Variants in GYPB observed in about 807,000 individuals in gnomAD.
The protein encoded by GYPB is glycophorin-B.
GYPB carries 13 observed loss-of-function variants against 15.3 expected under a neutral mutation model. The observed-to-expected ratio is 0.85, with a 90% CI of 0.55 to 1.35. GYPB has a LOEUF of 1.35. Among genes scored for constraint, GYPB ranks in the 40% most tolerant of loss-of-function variants. GYPB has a pLI of 0.00. For synonymous variants in GYPB, 38 were observed against 36.9 expected (o/e 1.03, Z -0.11); for missense variants, 131 against 108.3 (o/e 1.21, Z -0.93).
At chr4:144,000,983 C>T (rs1487388257) in intron 2 of GYPB, among the ~76,000 whole-genome samples, 2 of 151,320 alleles carry the variant, frequency 1.3e-5, no homozygotes, top group Non-Finnish European at 2.9e-5. Context: ...ATTTCTTTAA[C>T]TCACAGTATT....
chr4:143,996,531 A>C (rs1386620480), intron 4 of GYPB, among the ~76,000 whole-genome samples: 3 of 151,036 alleles, frequency 2.0e-5, no homozygotes, highest in Non-Finnish European at 4.4e-5. Context: ...TTTGGAGGCC[A>C]AGGCAGGTGG....
intron 1 of GYPB, chr4:144,012,851 T>G (rs926528676): frequency 6.6e-6 from 1 of 151,448 alleles, no homozygotes; most frequent in Non-Finnish European, 1.5e-5. Context: ...AATACAAAAC[T>G]CTTAGAAGAA....
intron 1 of GYPB, among the ~76,000 whole-genome samples, chr4:144,009,763 G>C (rs1478231291): frequency 3.4e-5 from 5 of 149,154 alleles, no homozygotes; most frequent in Non-Finnish European, 5.9e-5. Flanking sequence ...ACAGGCACCC[G>C]CCACCAAGCC....
chr4:143,998,763 G>A (rs987818801), intron 3 of GYPB, among the ~76,000 whole-genome samples: 1 of 142,132 alleles, frequency 7.0e-6, no homozygotes, highest in African/African-American at 2.7e-5. Flanking sequence ...AGGGCAGAGG[G>A]AACTTCACTT....
intron 3 of GYPB, among the ~76,000 whole-genome samples, chr4:143,998,393 T>C (rs1276859398): frequency 1.3e-5 from 2 of 151,484 alleles, no homozygotes; most frequent in Non-Finnish European, 2.9e-5. Flanking sequence ...CTCATTTATT[T>C]GCCTAATTAA....
intron 1 of GYPB, among the ~76,000 whole-genome samples, chr4:144,007,495 T>C (rs1727983775): frequency 6.6e-6 from 1 of 150,842 alleles, no homozygotes; most frequent in Non-Finnish European, 1.5e-5. Context: ...CTTTTTATCC[T>C]GGCTCTGTAC....
chr4:144,015,092 C>A (rs142399549), intron 1 of GYPB, among the ~76,000 whole-genome samples: 1 of 151,154 alleles, frequency 6.6e-6, no homozygotes, highest in Non-Finnish European at 1.5e-5. Context: ...CTATGACCAA[C>A]GTACAAAAAT....
chr4:144,006,714 T>A (rs1344252159), intron 1 of GYPB, among the ~76,000 whole-genome samples: 1 of 151,896 alleles, frequency 6.6e-6, no homozygotes, highest in Non-Finnish European at 1.5e-5. Context: ...ACCCTTCATA[T>A]GAAATGCCTT....
intron 1 of GYPB, among the ~76,000 whole-genome samples, chr4:144,010,750 C>T (rs567292071): frequency 6.6e-6 from 1 of 151,346 alleles, no homozygotes; most frequent in East Asian, 1.9e-4. Flanking sequence ...ACCAGTGGCT[C>T]ATGCACACCT....
At chr4:144,016,514 A>AC (rs1214479088) in intron 1 of GYPB, among the ~76,000 whole-genome samples, 1 of 150,528 alleles carries the variant, frequency 6.6e-6, no homozygotes, top group African/African-American at 2.5e-5. Flanking sequence ...TACTATAAAT[A>AC]CCAATCGGGA....
chr4:143,999,010 G>A (rs554843019), intron 3 of GYPB, among the ~76,000 whole-genome samples: 2 of 150,934 alleles, frequency 1.3e-5, no homozygotes, highest in East Asian at 3.9e-4. Flanking sequence ...CAATGGATCC[G>A]ATCCTCCCAC....
At position 144,000,227 on chromosome 4, in the gene GYPB, C is replaced by T. The variant is rs187833036; in HGVS notation, c.137-778G>A. ...TGGGGCTTGCCTTCTCTTTCTTGGT[C>T]ACAGTTAATAGTTGTGGGTGCTATA... On this transcript the variant is annotated intron_variant, in intron 2 of 4. Coordinates refer to ENST00000502664, the MANE Select transcript of GYPB (RefSeq NM_002100.6). 897 of 172,342 alleles carry T rather than the reference C, an allele frequency of 5.2e-3. 35 individuals are homozygous for T. The highest frequency in any genetic ancestry group is 0.02 in the African/African-American group (839 of 41,056). 10.7% of individuals were successfully genotyped at this position (172,342 alleles called of 1,614,324 possible). A position where few individuals can be genotyped will look rare whatever the true frequency, so the allele number is the denominator to read the frequency against.
downstream of GYPB, among the ~76,000 whole-genome samples, chr4:143,995,580 A>T (rs1305861053): frequency 1.3e-5 from 2 of 151,106 alleles, no homozygotes; most frequent in African/African-American, 4.9e-5. Flanking sequence ...CCATCTCAGT[A>T]AGATCTGCTG....
intron 2 of GYPB, among the ~76,000 whole-genome samples, chr4:144,000,711 T>C (rs373198927): frequency 8.6e-5 from 13 of 151,170 alleles, no homozygotes; most frequent in African/African-American, 2.7e-4. Context: ...TAATAACTTT[T>C]AGACACTTCT....
intron 1 of GYPB, among the ~76,000 whole-genome samples, chr4:144,006,663 A>T (rs1727929784): frequency 6.6e-6 from 1 of 151,998 alleles, no homozygotes; most frequent in South Asian, 2.1e-4. Context: ...TTGCAGCTGA[A>T]AGAAGCCTTA....
chr4:144,003,847 C>G, intron 1 of GYPB, among the ~76,000 whole-genome samples: 1 of 151,384 alleles, frequency 6.6e-6, no homozygotes, highest in East Asian at 1.9e-4. Context: ...CAGACCCTAA[C>G]ACTGGCTTTA....
chr4:144,004,730 G>A (rs1727806075), intron 1 of GYPB, among the ~76,000 whole-genome samples: 1 of 151,780 alleles, frequency 6.6e-6, no homozygotes, highest in Non-Finnish European at 1.5e-5. Context: ...CACCAAGAAT[G>A]TTCAAAACTA....
At position 143,997,630 on chromosome 4, in the gene GYPB, A is replaced by T; in HGVS notation, c.180T>A (p.Pro60=). 1 of 1,538,976 alleles carries T rather than the reference A, an allele frequency of 6.5e-7. No homozygotes were observed. Among genetic ancestry groups the T allele is most frequent in the South Asian group, 1.1e-5 (1 of 89,542 alleles). The change falls in exon 4 of 5, where the codon CCT becomes CCA. Residue 60 remains proline, a synonymous_variant. Coordinates refer to ENST00000502664, the MANE Select transcript of GYPB (RefSeq NM_002100.6). ...QLVHRFTVPA[P]VVIILIILCV... Reference sequence around the variant, plus strand: ...ACAAAATAATGAGTATTATCACTACAGGAGCTAAAGAGAGCAGCAAAATTA... The same window carrying T: ...ACAAAATAATGAGTATTATCACTACTGGAGCTAAAGAGAGCAGCAAAATTA...
chr4:144,001,323 G>A, intron 1 of GYPB, 40 bp from the exon 2 acceptor site: 9 of 1,612,534 alleles, frequency 5.6e-6, no homozygotes, highest in East Asian at 2.2e-5. Flanking sequence ...TAAGAACGAG[G>A]TGACTGAGCA....
Sources: allele counts gnomAD v4.1 joint callset (sites outside exome capture counted in the v4.1 genomes callset), GRCh38; gene constraint gnomAD v4.1.1; transcripts MANE v1.5; gene names NCBI Gene and HGNC (gene_info 2026-07-23, HGNC 2026-07-21).